GPHN: variants seen among roughly 807,000 people sequenced by gnomAD.
The protein encoded by GPHN is gephyrin.
Under a neutral mutation model 95.5 loss-of-function variants are expected in GPHN, and 17 were observed. The ratio of observed to expected loss-of-function variants is 0.18; its 90% CI spans 0.12 to 0.27. GPHN has a LOEUF of 0.27. Ranked by LOEUF, GPHN falls within the 10% of genes least tolerant of loss-of-function variation. The pLI is 1.00. For synonymous variants in GPHN, 320 were observed against 322.5 expected, an observed-to-expected ratio of 0.99 and a Z score of 0.08; for missense variants, 660 against 978.1, an observed-to-expected ratio of 0.67 and a Z score of 4.34.
At chr14:66,872,450 T>C (rs566967485) in intron 4 of GPHN, among the ~76,000 whole-genome samples, 4 of 152,214 alleles carry the variant, frequency 2.6e-5, no homozygotes, top group Admixed American at 6.5e-5. Context: ...GCCTAAAATG[T>C]ATCTTGACCA....
the GPHN span, among the ~76,000 whole-genome samples, chr14:67,623,265 T>C: frequency 6.6e-6 from 1 of 152,214 alleles, no homozygotes; most frequent in African/African-American, 2.4e-5. Context: ...TCAGTTGCTC[T>C]GTTCCTAAAC....
At chr14:67,288,040 C>T in the GPHN span, among the ~76,000 whole-genome samples, 1 of 151,988 alleles carries the variant, frequency 6.6e-6, no homozygotes, top group Admixed American at 6.5e-5. Flanking sequence ...AATCTGAGGC[C>T]CTCAGTCTTT....
At chr14:67,635,576 G>A in the GPHN span, among the ~76,000 whole-genome samples, 115 of 152,294 alleles carry the variant, frequency 7.6e-4, no homozygotes, top group Middle Eastern at 3.4e-3. Flanking sequence ...GAATTCGGCC[G>A]GGCACGGCGG....
At chr14:67,476,266 G>A in the GPHN span, among the ~76,000 whole-genome samples, 4 of 152,166 alleles carry the variant, frequency 2.6e-5, no homozygotes, top group African/African-American at 4.8e-5. Context: ...CAAGCACTTC[G>A]TTCGCATTTT....
the GPHN span, among the ~76,000 whole-genome samples, chr14:67,193,300 A>G: frequency 9.2e-5 from 12 of 129,982 alleles, no homozygotes; most frequent in Admixed American, 9.6e-4. Flanking sequence ...ACATCTATCT[A>G]TATATCTCTA....
At chr14:67,243,586 G>A in the GPHN span, among the ~76,000 whole-genome samples, 4 of 146,970 alleles carry the variant, frequency 2.7e-5, no homozygotes, top group Admixed American at 2.1e-4. Flanking sequence ...TCTGCCTCCC[G>A]GGTTCACGCC....
intron 3 of GPHN, among the ~76,000 whole-genome samples, chr14:66,816,575 G>A (rs2060976418): frequency 6.6e-6 from 1 of 152,094 alleles, no homozygotes; most frequent in Admixed American, 6.6e-5. Context: ...ATGAAATTAA[G>A]GCAAAAATCA....
At chr14:67,168,488 T>A (rs966584298) in intron 20 of GPHN, among the ~76,000 whole-genome samples, 1 of 152,194 alleles carries the variant, frequency 6.6e-6, no homozygotes, top group Non-Finnish European at 1.5e-5. Context: ...GAGAAGATTA[T>A]AAATAAGTTT....
At chr14:67,292,969 A>T in the GPHN span, among the ~76,000 whole-genome samples, 1 of 152,192 alleles carries the variant, frequency 6.6e-6, no homozygotes, top group Non-Finnish European at 1.5e-5. Flanking sequence ...TTTGGATAGT[A>T]ACAAATATTT....
At chr14:67,713,396 C>A in the GPHN span, among the ~76,000 whole-genome samples, 1 of 30,388 alleles carries the variant, frequency 3.3e-5, no homozygotes, top group African/African-American at 1.2e-4. Context: ...AAGTAAAACT[C>A]CAAAAAAAAA....
At chr14:66,824,013 G>C (rs1215266767) in intron 3 of GPHN, among the ~76,000 whole-genome samples, 1 of 152,082 alleles carries the variant, frequency 6.6e-6, no homozygotes, top group African/African-American at 2.4e-5. Context: ...TTATAAACTA[G>C]GTGTGTAATT....
At chr14:67,275,857 A>G in the GPHN span, among the ~76,000 whole-genome samples, 8 of 152,098 alleles carry the variant, frequency 5.3e-5, no homozygotes, top group Admixed American at 1.3e-4. Context: ...GGGAGGGTAT[A>G]TGTGTCCAGG....
the GPHN span, among the ~76,000 whole-genome samples, chr14:67,409,634 G>A: frequency 6.6e-6 from 1 of 152,006 alleles, no homozygotes; most frequent in Non-Finnish European, 1.5e-5. Context: ...TGAGCTCCTT[G>A]CATTTTGCCT....
intron 11 of GPHN, among the ~76,000 whole-genome samples, chr14:67,075,740 A>C (rs754744588): frequency 6.6e-6 from 1 of 152,228 alleles, no homozygotes; most frequent in African/African-American, 2.4e-5. Flanking sequence ...GATGTCGTCA[A>C]AATAGCAAGG....
the GPHN span, among the ~76,000 whole-genome samples, chr14:67,278,452 T>C: frequency 6.6e-6 from 1 of 152,172 alleles, no homozygotes; most frequent in Non-Finnish European, 1.5e-5. Flanking sequence ...AAGTTTCTTA[T>C]TCGTTGGGCA....
chr14:67,059,014 G>C, intron 11 of GPHN: 5 of 382,330 alleles, frequency 1.3e-5, no homozygotes, highest in South Asian at 5.0e-5. Context: ...TTAAAAAAAG[G>C]AAAAAAAAAA....
the GPHN span, among the ~76,000 whole-genome samples, chr14:67,284,582 A>G: frequency 6.9e-6 from 1 of 144,728 alleles, no homozygotes; most frequent in African/African-American, 2.6e-5. Flanking sequence ...AAAAAAAAAA[A>G]AAAAAAGGTT....
chr14:67,626,990 CAT>C, the GPHN span, among the ~76,000 whole-genome samples: 1 of 151,910 alleles, frequency 6.6e-6, no homozygotes, highest in African/African-American at 2.4e-5. Flanking sequence ...TATATGATTC[CAT>C]TTATATGAAC....
intron 2 of GPHN, among the ~76,000 whole-genome samples, chr14:66,731,824 G>T (rs1378990403): frequency 3.3e-5 from 5 of 152,288 alleles, no homozygotes; most frequent in Non-Finnish European, 7.4e-5. Context: ...TGGTTTCGTG[G>T]GCTGGGCCCT....
Sources: gnomAD v4.1 joint callset for allele counts (sites outside exome capture counted in the v4.1 genomes callset) on GRCh38, gnomAD v4.1.1 for gene constraint, MANE v1.5 for transcripts, NCBI Gene and HGNC (gene_info 2026-07-23, HGNC 2026-07-21) for gene names.